CRACR2A: variants seen among roughly 807,000 people sequenced by gnomAD.
CRACR2A encodes calcium release activated channel regulator 2A, also known as EF-hand calcium-binding domain-containing protein 4B.
A neutral mutation model predicts 90.5 loss-of-function variants in CRACR2A; 79 were observed. The observed-to-expected ratio is 0.87, with a 90% confidence interval of 0.73 to 1.05. CRACR2A has a LOEUF of 1.05. Among genes scored for constraint, CRACR2A ranks in the 50% least tolerant of loss-of-function variants. CRACR2A has a pLI of 0.00. For synonymous variants in CRACR2A, 338 were observed against 356.7 expected, an observed-to-expected ratio of 0.95 and a Z score of 0.59; for missense variants, 823 against 897.2, an observed-to-expected ratio of 0.92 and a Z score of 1.06.
chr12:3,628,011 CTCCCTCCCTCTCTCCT>C (rs1258426161), intron 15 of CRACR2A, among the ~76,000 whole-genome samples: 5 of 146,478 alleles, frequency 3.4e-5, no homozygotes, highest in East Asian at 2.1e-4. Flanking sequence ...CCCTCCCTCC[CTCCCTCCCTCTCTCCT>C]TCCCTCCCTC....
At chr12:3,679,137 A>G in intron 5 of CRACR2A, 39 bp from the exon 6 acceptor site, 1 of 1,547,178 alleles carries the variant, frequency 6.5e-7, no homozygotes, top group East Asian at 2.4e-5. Flanking sequence ...ATTAGACCAT[A>G]CCCATCCAGG....
chr12:3,629,842 A>G (rs1944346634), intron 15 of CRACR2A, among the ~76,000 whole-genome samples: 2 of 67,700 alleles, frequency 3.0e-5, no homozygotes, highest in African/African-American at 1.2e-4. Flanking sequence ...ACACAAGGAA[A>G]AGACAAGGGG....
chr12:3,658,016 C>A (rs1330337618), intron 8 of CRACR2A, among the ~76,000 whole-genome samples: 1 of 152,192 alleles, frequency 6.6e-6, no homozygotes, highest in Non-Finnish European at 1.5e-5. Context: ...GCCTTTGTAT[C>A]TAATGGCTTA....
intron 18 of CRACR2A, among the ~76,000 whole-genome samples, chr12:3,618,135 A>C (rs1867729389): frequency 6.6e-6 from 1 of 150,900 alleles, no homozygotes; most frequent in South Asian, 2.1e-4. Context: ...CGAATGTATC[A>C]CTTAACTCCC....
At chr12:3,651,283 G>A (rs999449833) in intron 10 of CRACR2A, among the ~76,000 whole-genome samples, 9 of 152,198 alleles carry the variant, frequency 5.9e-5, no homozygotes, top group African/African-American at 1.2e-4. Context: ...GTATGCATGC[G>A]TGTGCACGTG....
chr12:3,673,625 G>C (rs1470026588), intron 6 of CRACR2A, 33 bp from the exon 7 acceptor site: 1 of 1,606,256 alleles, frequency 6.2e-7, no homozygotes, highest in Admixed American at 1.7e-5. Context: ...GTGGAAGTGT[G>C]GAGATGAGGC....
Position 3,623,004 on chromosome 12 carries a change from G to T in CRACR2A, c.1933-3632C>A, listed in dbSNP as rs144219156. ...GTTTAGCTAGCAGCCCAGGAAGGGA[G>T]AGGGAAGTGGGCCAGGACCCCTTGA... On this transcript the variant is annotated intron_variant, in intron 17 of 19. Coordinates refer to ENST00000440314, the MANE Select transcript of CRACR2A (RefSeq NM_001144958.2). Among the ~76,000 whole-genome samples the T allele has an allele frequency of 3.4e-3, 515 of 152,356 alleles. 1 individual carries two copies. The highest frequency in any genetic ancestry group is 0.011 in the African/African-American group (478 of 41,582).
chr12:3,686,241 G>T (rs1945550909), intron 4 of CRACR2A, among the ~76,000 whole-genome samples: 1 of 152,160 alleles, frequency 6.6e-6, no homozygotes, highest in South Asian at 2.1e-4. Flanking sequence ...AACAGCCAGG[G>T]AGTGCATATT....
At chr12:3,752,201 A>G (rs1238157078) in intron 1 of CRACR2A, among the ~76,000 whole-genome samples, 1 of 152,196 alleles carries the variant, frequency 6.6e-6, no homozygotes, top group Non-Finnish European at 1.5e-5. Context: ...TGTCCTCCAC[A>G]GAGCCAAACA....
chr12:3,638,820 C>T (rs1944506621), intron 13 of CRACR2A, among the ~76,000 whole-genome samples: 1 of 152,204 alleles, frequency 6.6e-6, no homozygotes, highest in Non-Finnish European at 1.5e-5. Flanking sequence ...AATTGTGAGA[C>T]TGCTGTGAAG....
At position 3,627,425 on chromosome 12, in the gene CRACR2A, C is replaced by T. The variant is rs1414207343; in HGVS notation, c.1932+11G>A. ...CAAGCCTAAATGCTCCTAGGAAGGT[C>T]GCCAGCTCACCTCCACGCTGCTCAG... On this transcript the variant is annotated intron_variant, in intron 17 of 19. Transcript: ENST00000440314. 1.6e-5 allele frequency: 24 copies of T among 1,547,766 alleles called. No individual in the cohort carries two copies. In the East Asian group the frequency reaches 2.7e-4, roughly 17 times the overall value.
At chr12:3,648,059 T>C (rs1229159735) in intron 11 of CRACR2A, 1 of 991,742 alleles carries the variant, frequency 1.0e-6, no homozygotes, top group African/African-American at 1.7e-5. Context: ...CACAGCCGAG[T>C]TACGGATTTC....
intron 7 of CRACR2A, among the ~76,000 whole-genome samples, chr12:3,661,712 T>A (rs1191539376): frequency 6.6e-6 from 1 of 152,250 alleles, no homozygotes; most frequent in East Asian, 1.9e-4. Flanking sequence ...TGGAATGACC[T>A]TCCTGTGTTT....
At chr12:3,678,801 A>G (rs1274496195) in intron 6 of CRACR2A, 114 bp downstream of exon 6, 3 of 1,208,556 alleles carry the variant, frequency 2.5e-6, no homozygotes, top group Non-Finnish European at 2.3e-6. Context: ...CCTGCACTGC[A>G]TTCCAGTGCA....
At chr12:3,689,915 A>G (rs1244129292) in intron 4 of CRACR2A, among the ~76,000 whole-genome samples, 1 of 151,808 alleles carries the variant, frequency 6.6e-6, no homozygotes. Flanking sequence ...AACTTCTTCT[A>G]GATTTTCTAA....
intron 2 of CRACR2A, 140 bp downstream of exon 2, chr12:3,732,802 G>C (rs1310820707): frequency 6.6e-6 from 1 of 152,204 alleles, no homozygotes; most frequent in East Asian, 1.9e-4. Flanking sequence ...TTCAAGCCAG[G>C]GGCAGGCTAC....
chr12:3,696,401 T>C (rs1467811870), intron 4 of CRACR2A, among the ~76,000 whole-genome samples: 1 of 152,354 alleles, frequency 6.6e-6, no homozygotes, highest in East Asian at 1.9e-4. Context: ...GCTGTACCTA[T>C]TCCTAAGGTA....
At chr12:3,736,903 T>C (rs139167182) in intron 1 of CRACR2A, among the ~76,000 whole-genome samples, 2 of 152,114 alleles carry the variant, frequency 1.3e-5, no homozygotes, top group Non-Finnish European at 2.9e-5. Flanking sequence ...AGTGGAGGGA[T>C]GGAAGCAGAA....
intron 8 of CRACR2A, among the ~76,000 whole-genome samples, chr12:3,657,334 C>T (rs117453700): frequency 4.8e-4 from 73 of 152,340 alleles, no homozygotes; most frequent in East Asian, 1.9e-3. Context: ...AACTCACTAC[C>T]GGAGCCCCCT....
Sources: gnomAD v4.1 joint callset for allele counts (sites outside exome capture counted in the v4.1 genomes callset) on GRCh38, gnomAD v4.1.1 for gene constraint, MANE v1.5 for transcripts, NCBI Gene and HGNC (gene_info 2026-07-23, HGNC 2026-07-21) for gene names.